The following CSMD1 variants were observed in gnomAD, a reference collection of about 807,000 sequenced individuals.
CSMD1 encodes CUB and sushi domain-containing protein 1.
A neutral mutation model predicts 417.5 loss-of-function variants in CSMD1; 213 were observed. The ratio of observed to expected loss-of-function variants is 0.51; its 90% CI spans 0.46 to 0.57. CSMD1 has a LOEUF of 0.57. Among genes scored for constraint, CSMD1 ranks in the 20% least tolerant of loss-of-function variants. The pLI is 0.00. For missense variants in CSMD1, 6,923 were observed against 4,529.7 expected, an observed-to-expected ratio of 1.53 and a Z score of -15.17; for synonymous variants, 2,862 against 1,736.8, an observed-to-expected ratio of 1.65 and a Z score of -16.11.
intron 41 of CSMD1, among the ~76,000 whole-genome samples, chr8:3,140,291 T>A (rs1818357484): frequency 6.6e-6 from 1 of 152,138 alleles, no homozygotes; most frequent in Non-Finnish European, 1.5e-5. Context: ...CAGATCTGTA[T>A]CCATTTTGTT....
chr8:3,979,647 G>A (rs1170460475), intron 5 of CSMD1, among the ~76,000 whole-genome samples: 2 of 152,114 alleles, frequency 1.3e-5, no homozygotes, highest in Admixed American at 6.5e-5. Context: ...CTCTCTCCCC[G>A]CCTTGTGAAG....
intron 4 of CSMD1, among the ~76,000 whole-genome samples, chr8:4,025,157 A>G (rs1441167885): frequency 6.6e-6 from 1 of 152,222 alleles, no homozygotes; most frequent in Non-Finnish European, 1.5e-5. Context: ...CATGGATGTG[A>G]GCTCCTGTGA....
chr8:4,274,320 G>T lies in CSMD1; in HGVS notation c.415+145633C>A, dbSNP rs186641534. ...AGTATCACCCAACTGGCATACGTGGGGAGGAAAAACACATGACTTTTTTTA... is the reference window on the plus strand; with the variant it reads ...AGTATCACCCAACTGGCATACGTGGTGAGGAAAAACACATGACTTTTTTTA... On this transcript the variant is annotated intron_variant, in intron 3 of 69. Coordinates refer to ENST00000635120, the MANE Select transcript of CSMD1 (RefSeq NM_033225.6). 3.1e-3 allele frequency among the ~76,000 whole-genome samples: 470 copies of T among 152,174 alleles called. 3 individuals carry two copies. The highest frequency in any genetic ancestry group is 0.011 in the African/African-American group (439 of 41,510).
intron 3 of CSMD1, among the ~76,000 whole-genome samples, chr8:4,262,185 C>G (rs554806627): frequency 6.6e-6 from 1 of 152,162 alleles, no homozygotes; most frequent in African/African-American, 2.4e-5. Context: ...GCTTTTGACT[C>G]TCTTGGGTGA....
intron 1 of CSMD1, among the ~76,000 whole-genome samples, chr8:4,719,537 C>G (rs1224377119): frequency 1.7e-5 from 2 of 116,522 alleles, no homozygotes; most frequent in African/African-American, 3.3e-5. Context: ...AAAAAAAAAT[C>G]TTCACAACAA....
At chr8:4,028,083 G>C (rs568199839) in intron 4 of CSMD1, among the ~76,000 whole-genome samples, 2 of 151,970 alleles carry the variant, frequency 1.3e-5, no homozygotes, top group Admixed American at 6.6e-5. Context: ...AAGATGAAAA[G>C]TAATTAATAA....
chr8:4,116,127 G>A (rs1370908758), intron 3 of CSMD1, among the ~76,000 whole-genome samples: 1 of 151,666 alleles, frequency 6.6e-6, no homozygotes, highest in Non-Finnish European at 1.5e-5. Flanking sequence ...CAAGTAGCTG[G>A]GATTTACAGG....
At chr8:4,349,501 C>A (rs1048580403) in intron 3 of CSMD1, among the ~76,000 whole-genome samples, 5 of 152,140 alleles carry the variant, frequency 3.3e-5, no homozygotes, top group Admixed American at 3.3e-4. Flanking sequence ...TATCTAGAAT[C>A]TACCTTCTTT....
At chr8:3,493,287 C>T (rs1481149804) in intron 11 of CSMD1, among the ~76,000 whole-genome samples, 1 of 113,924 alleles carries the variant, frequency 8.8e-6, no homozygotes, top group African/African-American at 3.5e-5. Flanking sequence ...GAGTAAGAAC[C>T]TGTCTCAAAA....
At chr8:4,773,803 T>C (rs1796713863) in intron 1 of CSMD1, among the ~76,000 whole-genome samples, 2 of 152,194 alleles carry the variant, frequency 1.3e-5, no homozygotes, top group African/African-American at 4.8e-5. Flanking sequence ...TGCCATGTCA[T>C]AAATTCCCAA....
intron 1 of CSMD1, among the ~76,000 whole-genome samples, chr8:4,785,500 G>C (rs1353614998): frequency 6.6e-6 from 1 of 152,114 alleles, no homozygotes; most frequent in East Asian, 1.9e-4. Context: ...GACTTAGAAA[G>C]CTGATTACCC....
chr8:3,001,587 C>T (rs1008109510), intron 52 of CSMD1, among the ~76,000 whole-genome samples: 2 of 152,060 alleles, frequency 1.3e-5, no homozygotes, highest in Admixed American at 6.6e-5. Flanking sequence ...GCTTAATTCA[C>T]AGGAAAATAA....
intron 5 of CSMD1, among the ~76,000 whole-genome samples, chr8:3,985,607 G>C (rs966235918): frequency 3.3e-5 from 5 of 152,120 alleles, no homozygotes; most frequent in South Asian, 2.1e-4. Flanking sequence ...CCACCTTCTA[G>C]TACAGGAAGA....
At chr8:4,271,634 G>T (rs980332464) in intron 3 of CSMD1, among the ~76,000 whole-genome samples, 2 of 150,960 alleles carry the variant, frequency 1.3e-5, no homozygotes, top group Admixed American at 1.3e-4. Context: ...CAGCTTTAAA[G>T]AAAGGAAAAG....
At chr8:3,439,428 T>C (rs1249402868) in intron 12 of CSMD1, among the ~76,000 whole-genome samples, 2 of 150,954 alleles carry the variant, frequency 1.3e-5, no homozygotes, top group South Asian at 2.1e-4. Flanking sequence ...TATGTGTTTA[T>C]GGTACATGTT....
chr8:3,752,552 C>A (rs1473416296), intron 6 of CSMD1, among the ~76,000 whole-genome samples: 1 of 151,552 alleles, frequency 6.6e-6, no homozygotes, highest in Non-Finnish European at 1.5e-5. Context: ...TACTCGGGAG[C>A]CTGAGACAGG....
chr8:4,828,476 T>C (rs530773439), intron 1 of CSMD1, among the ~76,000 whole-genome samples: 1 of 152,216 alleles, frequency 6.6e-6, no homozygotes, highest in East Asian at 1.9e-4. Flanking sequence ...GCTTCTGCTG[T>C]TTTCTGAGTG....
intron 26 of CSMD1, among the ~76,000 whole-genome samples, chr8:3,255,784 G>A (rs564162602): frequency 6.6e-6 from 1 of 152,146 alleles, no homozygotes. Flanking sequence ...TCTTTGACTA[G>A]AAAGGGAATT....
At chr8:4,949,602 G>C (rs1416591956) in intron 1 of CSMD1, among the ~76,000 whole-genome samples, 1 of 152,150 alleles carries the variant, frequency 6.6e-6, no homozygotes, top group Non-Finnish European at 1.5e-5. Flanking sequence ...GAAATGCCCA[G>C]TCAATTGCCC....
Sources: allele counts gnomAD v4.1 joint callset (sites outside exome capture counted in the v4.1 genomes callset), GRCh38; gene constraint gnomAD v4.1.1; transcripts MANE v1.5; gene names NCBI Gene and HGNC (gene_info 2026-07-23, HGNC 2026-07-21).